GDF15: variants seen among roughly 807,000 people sequenced by gnomAD.
The protein encoded by GDF15 is growth differentiation factor 15.
In GDF15, 10 loss-of-function variants were observed where a neutral mutation model predicts 8.9. The ratio of observed to expected loss-of-function variants is 1.12; its 90% confidence interval spans 0.69 to 1.90. GDF15 has a LOEUF of 1.90. GDF15 is among the 40% of genes most tolerant of loss of function. The probability of loss-of-function intolerance (pLI) is 0.00; values close to 1 mark genes in which losing one functional copy is unlikely to be tolerated. For synonymous variants in GDF15, 228 were observed against 210.6 expected (o/e 1.08, Z -0.72); for missense variants, 452 against 434.2 (o/e 1.04, Z -0.36).
At position 18,388,270 on chromosome 19, in the gene GDF15, ATC is replaced by A. The variant is rs1568330852; in HGVS notation, c.278-14_278-13del. 6.2e-7 allele frequency: 1 copy of A among 1,606,942 alleles called. No individual in the cohort carries two copies. Among genetic ancestry groups the A allele is most frequent in the Non-Finnish European group, 8.5e-7 (1 of 1,177,344 alleles). On this transcript the variant is annotated splice_polypyrimidine_tract_variant and intron_variant, in intron 1 of 1. Coordinates refer to ENST00000252809, the MANE Select transcript of GDF15 (RefSeq NM_004864.4). The surrounding 1 kb of genome is among the most constrained non-coding windows in gnomAD (Gnocchi z 4.2). Reference sequence around the variant, plus strand: ...AGGCCTGTGGGTGACCAGCTTCCCTATCTGTCTTCCCACAGTGCGGCTGGGAT... The same window carrying A: ...AGGCCTGTGGGTGACCAGCTTCCCTATGTCTTCCCACAGTGCGGCTGGGAT...
intron 1 of GDF15, among the ~76,000 whole-genome samples, chr19:18,387,700 A>G (rs917440084): frequency 6.6e-6 from 1 of 152,074 alleles, no homozygotes; most frequent in Non-Finnish European, 1.5e-5. Flanking sequence ...TAAGTAGGGA[A>G]TATGAATGAT....
rs1005268184 is a variant in GDF15 at position 18,389,045 on chromosome 19, C to T, written c.*110C>T. ...AGACACCCGATTCCTGCCCAAACAG[C>T]TGTATTTATATAAGTCTGTTATTTA... On this transcript the variant is annotated 3_prime_UTR_variant, in exon 2 of 2. Coordinates refer to ENST00000252809, the MANE Select transcript of GDF15 (RefSeq NM_004864.4). 3.2e-5 allele frequency: 22 copies of T among 690,678 alleles called. No individual in the cohort carries two copies. Among genetic ancestry groups the T allele is most frequent in the Non-Finnish European group, 5.1e-5 (21 of 412,786 alleles). The allele number at this position is 690,678 out of a possible 1,614,324, so 42.8% of individuals were successfully genotyped here. A position where few individuals can be genotyped will look rare whatever the true frequency, so the allele number is the denominator to read the frequency against.
intron 1 of GDF15, chr19:18,386,724 G>A: frequency 1.9e-6 from 1 of 538,652 alleles, no homozygotes; most frequent in Non-Finnish European, 3.4e-6. Context: ...GGACCCTCCT[G>A]AATGTGCACA....
At position 18,386,435 on chromosome 19, in the gene GDF15, G is replaced by A. The variant is rs529308097; in HGVS notation, c.246G>A (p.Pro82=). Residue 82 remains proline, a synonymous_variant, in exon 1 of 2, where the codon CCG becomes CCA. Coordinates refer to ENST00000252809, the MANE Select transcript of GDF15 (RefSeq NM_004864.4). ...AAGATTCGAACACCGACCTCGTCCC[G>A]GCCCCTGCAGTCCGGATACTCACGC... is the stretch of plus-strand genomic sequence containing the variant. ...SWEDSNTDLV[P]APAVRILTPE... The A allele has an allele frequency of 5.6e-6, 9 of 1,613,314 alleles. No individual in the cohort carries two copies. Among genetic ancestry groups the A allele is most frequent in the African/African-American group, 4.0e-5 (3 of 75,028 alleles).
At chr19:18,386,853 A>C in intron 1 of GDF15, 1 of 205,996 alleles carries the variant, frequency 4.9e-6, no homozygotes. Flanking sequence ...GAAGTTTGTG[A>C]TGGGCAGAGC....
At position 18,388,505 on chromosome 19, in the gene GDF15, C is replaced by A; in HGVS notation, c.497C>A (p.Ser166Ter). ...HLRLSPPPSQ[S>*]DQLLAESSSA... ...CGACTGTCGCCGCCGCCGTCGCAGT[C>A]GGACCAACTGCTGGCAGAATCTTCG... Residue 166 changes from serine (S) to a stop codon, truncating the protein, a stop_gained, in exon 2 of 2, where the codon TCG (serine) becomes TAG (stop). Coordinates refer to ENST00000252809, the MANE Select transcript of GDF15 (RefSeq NM_004864.4). LOFTEE classifies it low-confidence loss of function (END_TRUNC). The surrounding 1 kb of genome is among the most constrained non-coding windows in gnomAD (Gnocchi z 4.2). 6.2e-7 allele frequency: 1 copy of A among 1,602,012 alleles called. No individual in the cohort carries two copies. The highest frequency in any genetic ancestry group is 2.2e-5 in the East Asian group (1 of 44,562).
At position 18,386,358 on chromosome 19, in the gene GDF15, C is replaced by T. The variant is rs778245434; in HGVS notation, c.169C>T (p.Arg57Trp). 1.9e-6 allele frequency: 3 copies of T among 1,614,052 alleles called. No homozygotes were observed. Among genetic ancestry groups the T allele is most frequent in the Non-Finnish European group, 2.5e-6 (3 of 1,179,986 alleles). The change falls in exon 1 of 2, where the codon CGG (arginine) becomes TGG (tryptophan). Residue 57 changes from arginine to tryptophan, a missense_variant. Coordinates refer to ENST00000252809, the MANE Select transcript of GDF15 (RefSeq NM_004864.4). ...CGAAGACTCCAGATTCCGAGAGTTG[C>T]GGAAACGCTACGAGGACCTGCTAAC... ...HSEDSRFREL[R>W]KRYEDLLTRL...
In GDF15 at chr19:18,388,185, G is replaced by A. The variant is rs943332905; in HGVS notation, c.278-101G>A. 7 of 1,090,192 alleles carry A rather than the reference G, an allele frequency of 6.4e-6. No homozygotes were observed. The Admixed American group carries it at 1.4e-4, about 21-fold the overall frequency. The allele number at this position is 1,090,192 out of a possible 1,614,324, so 67.5% of individuals were successfully genotyped here. ...TAACTTGTGCAAAGGCGCCGCCGCC[G>A]TGGTGAGATCCAGCTTGGCGTGTTA... is the stretch of plus-strand genomic sequence containing the variant. On this transcript the variant is annotated intron_variant, in intron 1 of 1. Transcript: ENST00000252809. The surrounding 1 kb of genome is among the most constrained non-coding windows in gnomAD (Gnocchi z 4.2).
At position 18,388,561 on chromosome 19, in the gene GDF15, C is replaced by G. The variant is rs1971859715; in HGVS notation, c.553C>G (p.Arg185Gly). Reference sequence around the variant, plus strand: ...ACGGCCCCAGCTGGAGTTGCACTTGCGGCCGCAAGCCGCCAGGGGGCGCCG... The same window carrying G: ...ACGGCCCCAGCTGGAGTTGCACTTGGGGCCGCAAGCCGCCAGGGGGCGCCG... ...SARPQLELHL[R>G]PQAARGRRRA... The change falls in exon 2 of 2, where the codon CGG becomes GGG. Residue 185 changes from arginine to glycine, a missense_variant. Coordinates refer to ENST00000252809, the MANE Select transcript of GDF15 (RefSeq NM_004864.4). This position sits in a 1 kb window ranked among gnomAD's most constrained non-coding sequence, Gnocchi z 4.2. The G allele has an allele frequency of 3.1e-6, 5 of 1,596,882 alleles. No homozygotes were observed. The highest frequency in any genetic ancestry group is 4.3e-6 in the Non-Finnish European group (5 of 1,175,038).
At chr19:18,386,932 C>A (rs555920966) in intron 1 of GDF15, 9 of 176,626 alleles carry the variant, frequency 5.1e-5, no homozygotes, top group Admixed American at 1.6e-4. Flanking sequence ...ATGCAACGAG[C>A]GACTTGTTAG....
rs199595024 is a variant in GDF15 at position 18,386,321 on chromosome 19, A to C, written c.132A>C (p.Ser44=). Residue 44 remains serine (S), a synonymous_variant, in exon 1 of 2, where the codon TCA becomes TCC. Transcript: ENST00000252809. The stretch of plus-strand genomic sequence containing the variant: ...GCCGCGCAAGTTTCCCGGGACCCTC[A>C]GAGTTGCACTCCGAAGACTCCAGAT... ...EASRASFPGP[S]ELHSEDSRFR... The C allele has an allele frequency of 1.2e-6, 2 of 1,614,142 alleles. No homozygotes were observed. The highest frequency in any genetic ancestry group is 2.2e-5 in the East Asian group (1 of 44,870).
At position 18,388,089 on chromosome 19, in the gene GDF15, C is replaced by T. The variant is rs1291655114; in HGVS notation, c.278-197C>T. On this transcript the variant is annotated intron_variant, in intron 1 of 1. Transcript: ENST00000252809. The surrounding 1 kb of genome is among the most constrained non-coding windows in gnomAD (Gnocchi z 4.2). ...ACCTCAAGTGATCCACCTGCATCGGCCTCCCAAAGTGCTGGGATTACAGGC... is the reference window on the plus strand; with the variant it reads ...ACCTCAAGTGATCCACCTGCATCGGTCTCCCAAAGTGCTGGGATTACAGGC... Among the ~76,000 whole-genome samples, 1 of 152,130 alleles carries T rather than the reference C, an allele frequency of 6.6e-6. No homozygotes were observed. The highest frequency in any genetic ancestry group is 1.5e-5 in the Non-Finnish European group (1 of 68,002).
Position 18,388,720 on chromosome 19 carries a change from A to T in GDF15, c.712A>T (p.Thr238Ser). 1 of 1,609,220 alleles carries T rather than the reference A, an allele frequency of 6.2e-7. No individual in the cohort carries two copies. ...WVLSPREVQV[T>S]MCIGACPSQF... The stretch of plus-strand genomic sequence containing the variant: ...GCTGTCGCCACGGGAGGTGCAAGTG[A>T]CCATGTGCATCGGCGCGTGCCCGAG... The change falls in exon 2 of 2, where the codon ACC becomes TCC. Residue 238 changes from threonine to serine, a missense_variant. Coordinates refer to ENST00000252809, the MANE Select transcript of GDF15 (RefSeq NM_004864.4). This position sits in a 1 kb window ranked among gnomAD's most constrained non-coding sequence, Gnocchi z 4.2.
chr19:18,387,946 C>T (rs1040480468), intron 1 of GDF15, among the ~76,000 whole-genome samples: 2 of 151,240 alleles, frequency 1.3e-5, no homozygotes, highest in African/African-American at 4.9e-5. Flanking sequence ...CTCAGCCTCC[C>T]GAGTAGCTGG....
intron 1 of GDF15, 176 bp downstream of exon 1, chr19:18,386,642 G>T (rs1043258711): frequency 4.8e-6 from 3 of 621,282 alleles, no homozygotes; most frequent in African/African-American, 3.7e-5. Flanking sequence ...TGCCTGATTT[G>T]CACCCACAAC....
In GDF15 at chr19:18,388,964, G is replaced by C. The variant is rs1216132087; in HGVS notation, c.*29G>C. ...GTCCTGGTCCTTCCACTGTGCACCT[G>C]CGCGGAGGACGCGACCTCAGTTGTC... On this transcript the variant is annotated 3_prime_UTR_variant, in exon 2 of 2. Transcript: ENST00000252809. The surrounding 1 kb of genome is among the most constrained non-coding windows in gnomAD (Gnocchi z 4.2). 1 of 1,529,268 alleles carries C rather than the reference G, an allele frequency of 6.5e-7. No individual in the cohort carries two copies. Among genetic ancestry groups the C allele is most frequent in the Admixed American group, 1.8e-5 (1 of 56,952 alleles). The allele number at this position is 1,529,268 out of a possible 1,614,324, so 94.7% of individuals were successfully genotyped here.
chr19:18,386,841 T>C (rs1446514612), intron 1 of GDF15: 1 of 223,774 alleles, frequency 4.5e-6, no homozygotes, highest in African/African-American at 2.3e-5. Flanking sequence ...GGTGCATGGA[T>C]AGAAGTTTGT....
In GDF15 at chr19:18,388,311, G is replaced by A. The variant is rs748361296; in HGVS notation, c.303G>A (p.Leu101=). ...TGCGGCTGGGATCCGGCGGCCACCT[G>A]CACCTGCGTATCTCTCGGGCCGCCC... is the stretch of plus-strand genomic sequence containing the variant. The part of the protein sequence containing the change: ...PEVRLGSGGH[L]HLRISRAALP... The change falls in exon 2 of 2, where the codon CTG becomes CTA. Residue 101 remains leucine (L), a synonymous_variant. Coordinates refer to ENST00000252809, the MANE Select transcript of GDF15 (RefSeq NM_004864.4). The surrounding 1 kb of genome is among the most constrained non-coding windows in gnomAD (Gnocchi z 4.2). 6.2e-7 allele frequency: 1 copy of A among 1,610,590 alleles called. No homozygotes were observed. The highest frequency in any genetic ancestry group is 1.1e-5 in the South Asian group (1 of 90,898).
In GDF15 at chr19:18,388,175, C is replaced by A; in HGVS notation, c.278-111C>A. The A allele has an allele frequency of 1.0e-6, 1 of 966,908 alleles. No individual in the cohort carries two copies. The highest frequency in any genetic ancestry group is 1.5e-6 in the Non-Finnish European group (1 of 647,722). The allele number at this position is 966,908 out of a possible 1,614,324, so 59.9% of individuals were successfully genotyped here. A position where few individuals can be genotyped will look rare whatever the true frequency, so the allele number is the denominator to read the frequency against. ...GTAGGGGAAATAACTTGTGCAAAGG[C>A]GCCGCCGCCGTGGTGAGATCCAGCT... On this transcript the variant is annotated intron_variant, in intron 1 of 1. Transcript: ENST00000252809. This position sits in a 1 kb window ranked among gnomAD's most constrained non-coding sequence, Gnocchi z 4.2.
Sources: allele counts gnomAD v4.1 joint callset (sites outside exome capture counted in the v4.1 genomes callset), GRCh38; gene constraint gnomAD v4.1.1; non-coding constraint Gnocchi (gnomAD v3.1); transcripts MANE v1.5; gene names NCBI Gene and HGNC (gene_info 2026-07-23, HGNC 2026-07-21).